TRIM2: variants seen among roughly 807,000 people sequenced by gnomAD.
TRIM2 encodes the protein tripartite motif containing 2.
Under a neutral mutation model 75.2 loss-of-function variants are expected in TRIM2, and 20 were observed. The ratio of observed to expected loss-of-function variants is 0.27; its 90% confidence interval spans 0.19 to 0.39. The LOEUF is 0.39. Ranked by LOEUF, TRIM2 falls within the 10% of genes least tolerant of loss-of-function variation. The probability of loss-of-function intolerance (pLI) is 1.00; values close to 1 mark genes in which losing one functional copy is unlikely to be tolerated. For missense variants in TRIM2, 660 were observed against 990.8 expected, an observed-to-expected ratio of 0.67 and a Z score of 4.48; for synonymous variants, 373 against 388.3, an observed-to-expected ratio of 0.96 and a Z score of 0.46.
At chr4:153,198,366 G>C (rs569147551) in intron 1 of TRIM2, among the ~76,000 whole-genome samples, 1 of 152,198 alleles carries the variant, frequency 6.6e-6, no homozygotes, top group African/African-American at 2.4e-5. Context: ...TAGTGAATAA[G>C]TCTCATGAGA....
At chr4:153,302,652 A>C (rs1355166029) in intron 6 of TRIM2, among the ~76,000 whole-genome samples, 3 of 152,230 alleles carry the variant, frequency 2.0e-5, no homozygotes, top group Non-Finnish European at 4.4e-5. Flanking sequence ...GAAAAGGTCA[A>C]AGGGATTAAA....
intron 2 of TRIM2, among the ~76,000 whole-genome samples, chr4:153,271,584 T>C (rs1044791673): frequency 3.9e-5 from 6 of 152,196 alleles, no homozygotes; most frequent in Non-Finnish European, 8.8e-5. Context: ...TTTGTGTGTG[T>C]GCGTGTGCTT....
Position 153,244,355 on chromosome 4 carries a change from C to CCTCTTCCTCT in TRIM2, c.31-25980_31-25979insCTCTTCCTCT, listed in dbSNP as rs1748075400. On this transcript the variant is annotated intron_variant, in intron 1 of 11. Coordinates refer to ENST00000338700, the MANE Select transcript of TRIM2 (RefSeq NM_015271.5). ...CTTCTTCTTCTTCTTCTTCTTCTTC[C>CCTCTTCCTCT]TCTTCTTCTTCTTCTTCTTCTTCTT... Among the ~76,000 whole-genome samples the CCTCTTCCTCT allele has an allele frequency of 1.6e-4, 2 of 12,714 alleles. 1 individual carries two copies. Among genetic ancestry groups the CCTCTTCCTCT allele is most frequent in the African/African-American group, 1.0e-3 (2 of 1,970 alleles). 8.3% of individuals were successfully genotyped at this position (12,714 alleles called of 152,430 possible).
chr4:153,297,280 G>T (rs1346436478), intron 6 of TRIM2, among the ~76,000 whole-genome samples: 2 of 152,190 alleles, frequency 1.3e-5, no homozygotes, highest in African/African-American at 2.4e-5. Context: ...TGGGTGCAGG[G>T]GTTGTTGATT....
intron 1 of TRIM2, among the ~76,000 whole-genome samples, chr4:153,207,311 A>G (rs1366459333): frequency 6.6e-6 from 1 of 152,190 alleles, no homozygotes; most frequent in Non-Finnish European, 1.5e-5. Context: ...CAGACGACAC[A>G]CAGAGGCAGA....
intron 11 of TRIM2, among the ~76,000 whole-genome samples, chr4:153,331,344 T>C (rs920265420): frequency 2.0e-5 from 3 of 151,942 alleles, no homozygotes; most frequent in African/African-American, 7.3e-5. Context: ...CAAAAAAAAA[T>C]TATATTTTTA....
At chr4:153,220,233 G>A (rs562316902) in intron 1 of TRIM2, among the ~76,000 whole-genome samples, 1 of 151,990 alleles carries the variant, frequency 6.6e-6, no homozygotes, top group Admixed American at 6.6e-5. Context: ...TCTGTGCCCA[G>A]TAAATATAAG....
intron 6 of TRIM2, among the ~76,000 whole-genome samples, chr4:153,306,425 AG>A (rs1765009348): frequency 6.6e-6 from 1 of 152,230 alleles, no homozygotes; most frequent in Admixed American, 6.5e-5. Context: ...TTGATCTTCC[AG>A]GTTGAAGTGT....
chr4:153,321,778 G>GA (rs1489519091), intron 8 of TRIM2, among the ~76,000 whole-genome samples: 2 of 152,138 alleles, frequency 1.3e-5, no homozygotes, highest in Non-Finnish European at 2.9e-5. Flanking sequence ...CAATGACAGT[G>GA]ATGGCTTCCC....
In TRIM2 at chr4:153,296,010, T is replaced by C. The variant is rs866042869; in HGVS notation, c.1484T>C (p.Ile495Thr). The C allele has an allele frequency of 6.6e-7, 1 of 1,523,680 alleles. No individual in the cohort carries two copies. Among genetic ancestry groups the C allele is most frequent in the Middle Eastern group, 1.8e-4 (1 of 5,616 alleles). 94.4% of individuals were successfully genotyped at this position (1,523,680 alleles called of 1,614,324 possible). ...YSTGKRKENP[I>T]EDDLIFRVGT... The stretch of plus-strand genomic sequence containing the variant: ...ACTGGAAAACGAAAAGAGAATCCCA[T>C]CGAAGACGATTTGATCTTTCGAGTG... The change falls in exon 6 of 12, where the codon ATC (isoleucine) becomes ACC (threonine). Residue 495 changes from isoleucine to threonine, a missense_variant. By Grantham distance (89) the Ile-to-Thr change is moderately conservative (BLOSUM62 -1). Transcript: ENST00000338700.
At chr4:153,231,151 A>G (rs1254297309) in intron 1 of TRIM2, among the ~76,000 whole-genome samples, 2 of 152,208 alleles carry the variant, frequency 1.3e-5, no homozygotes, top group Non-Finnish European at 2.9e-5. Context: ...TCTAGAAGAA[A>G]GGATGTTTTG....
At chr4:153,287,812 AAATACATT>A (rs1178224855) in intron 3 of TRIM2, among the ~76,000 whole-genome samples, 1 of 152,200 alleles carries the variant, frequency 6.6e-6, no homozygotes, top group Non-Finnish European at 1.5e-5. Flanking sequence ...TAGAAAACTA[AAATACATT>A]AATACTGACC....
chr4:153,281,380 T>C (rs1759307704), intron 3 of TRIM2, among the ~76,000 whole-genome samples: 1 of 152,196 alleles, frequency 6.6e-6, no homozygotes. Flanking sequence ...AAATTGGAAA[T>C]AATCTAAATG....
At chr4:153,302,109 C>CATCT (rs1430645617) in intron 6 of TRIM2, among the ~76,000 whole-genome samples, 1 of 152,010 alleles carries the variant, frequency 6.6e-6, no homozygotes, top group African/African-American at 2.4e-5. Flanking sequence ...GAACATGAGC[C>CATCT]ATCTTTTTAT....
At chr4:153,177,589 T>G (rs1182370563) in intron 1 of TRIM2, among the ~76,000 whole-genome samples, 2 of 151,338 alleles carry the variant, frequency 1.3e-5, no homozygotes, top group Non-Finnish European at 2.9e-5. Flanking sequence ...GAGGCTGCAG[T>G]GAACTGAGAT....
chr4:153,313,013 T>C (rs1489426694), intron 6 of TRIM2, among the ~76,000 whole-genome samples: 1 of 152,124 alleles, frequency 6.6e-6, no homozygotes, highest in Non-Finnish European at 1.5e-5. Flanking sequence ...CTTTCAGAAA[T>C]ATATAAGCAA....
intron 3 of TRIM2, 133 bp downstream of exon 3, chr4:153,276,263 A>G (rs1758010534): frequency 2.7e-6 from 2 of 740,238 alleles, no homozygotes; most frequent in African/African-American, 3.5e-5. Context: ...AAAGATTTTT[A>G]CCAGCCCTCA....
intron 1 of TRIM2, among the ~76,000 whole-genome samples, chr4:153,160,380 T>G (rs778682670): frequency 6.6e-6 from 1 of 152,206 alleles, no homozygotes; most frequent in Non-Finnish European, 1.5e-5. Context: ...ACCAATCTCA[T>G]TAGCTTCTCC....
At chr4:153,216,757 C>T (rs1395141865) in intron 1 of TRIM2, among the ~76,000 whole-genome samples, 1 of 152,142 alleles carries the variant, frequency 6.6e-6, no homozygotes. Context: ...CAAGGTGGTG[C>T]CGTGAGCGTC....
Sources: allele counts gnomAD v4.1 joint callset (sites outside exome capture counted in the v4.1 genomes callset), GRCh38; gene constraint gnomAD v4.1.1; transcripts MANE v1.5; gene names NCBI Gene and HGNC (gene_info 2026-07-23, HGNC 2026-07-21).